Variants in NDUFAF5 observed in about 807,000 individuals in gnomAD.
NDUFAF5 encodes the protein NADH:ubiquinone oxidoreductase complex assembly factor 5.
In NDUFAF5, 34 loss-of-function variants were observed where a neutral mutation model predicts 48.9. That is an observed-to-expected ratio of 0.70 (90% CI 0.53 to 0.93). The LOEUF (loss-of-function observed/expected upper bound fraction) is 0.93, where lower values mean the gene tolerates loss of function less well. NDUFAF5 is among the 40% of genes least tolerant of loss of function. The probability of loss-of-function intolerance (pLI) is 0.00; values close to 1 mark genes in which losing one functional copy is unlikely to be tolerated. For missense variants in NDUFAF5, 428 were observed against 427.5 expected (o/e 1.00, Z -0.01); for synonymous variants, 153 against 150.6 (o/e 1.02, Z -0.12).
intron 7 of NDUFAF5, among the ~76,000 whole-genome samples, chr20:13,805,485 ATAC>A (rs1984864141): frequency 6.6e-6 from 1 of 152,224 alleles, no homozygotes; most frequent in Non-Finnish European, 1.5e-5. Context: ...CTAATGACTC[ATAC>A]TTTAATATAA....
chr20:13,785,568 GAGA>G (rs1980909405), intron 1 of NDUFAF5, among the ~76,000 whole-genome samples: 2 of 152,336 alleles, frequency 1.3e-5, no homozygotes, highest in South Asian at 2.1e-4. Context: ...GAGAGTGGGA[GAGA>G]AGGTTAGGAG....
intron 5 of NDUFAF5, among the ~76,000 whole-genome samples, chr20:13,795,820 AAAT>A (rs974868359): frequency 2.0e-4 from 30 of 152,280 alleles, no homozygotes; most frequent in African/African-American, 6.7e-4. Context: ...CCCTGTCTCA[AAAT>A]AATAATAATT....
chr20:13,803,808 G>T (rs76757972), intron 7 of NDUFAF5, among the ~76,000 whole-genome samples: 57 of 151,564 alleles, frequency 3.8e-4, no homozygotes, highest in African/African-American at 1.2e-3. Context: ...TTGGGGGGGG[G>T]ACAGTTTCAC....
intron 5 of NDUFAF5, among the ~76,000 whole-genome samples, chr20:13,796,012 TAACTC>T (rs964359326): frequency 6.6e-6 from 1 of 152,198 alleles, no homozygotes; most frequent in Non-Finnish European, 1.5e-5. Flanking sequence ...TGTCCTCAAA[TAACTC>T]AGTCTAACAG....
intron 7 of NDUFAF5, among the ~76,000 whole-genome samples, chr20:13,806,461 A>G (rs938895263): frequency 4.6e-5 from 7 of 152,240 alleles, no homozygotes; most frequent in Non-Finnish European, 7.3e-5. Flanking sequence ...GTGAGCCGAG[A>G]TCGCACCACT....
At chr20:13,788,794 G>T (rs1464775285) in intron 3 of NDUFAF5, 142 bp downstream of exon 3, 3 of 600,458 alleles carry the variant, frequency 5.0e-6, no homozygotes, top group African/African-American at 3.8e-5. Context: ...TTTTTAAGTG[G>T]TAGAATCAAT....
chr20:13,810,784 G>C (rs1181016175), intron 8 of NDUFAF5, among the ~76,000 whole-genome samples: 1 of 152,142 alleles, frequency 6.6e-6, no homozygotes, highest in Non-Finnish European at 1.5e-5. Context: ...ACCTTGGTAA[G>C]GGGAGAGGCA....
intron 1 of NDUFAF5, among the ~76,000 whole-genome samples, chr20:13,786,808 T>C (rs1981235754): frequency 6.6e-6 from 1 of 152,196 alleles, no homozygotes; most frequent in Non-Finnish European, 1.5e-5. Flanking sequence ...TCCTCAGATT[T>C]GGCTTTTTCT....
chr20:13,793,523 C>T (rs1314179272), intron 4 of NDUFAF5, among the ~76,000 whole-genome samples: 2 of 152,050 alleles, frequency 1.3e-5, no homozygotes, highest in Non-Finnish European at 2.9e-5. Context: ...TTATTTACGG[C>T]ACATCATTTT....
chr20:13,804,320 C>A (rs1293282514), intron 7 of NDUFAF5, among the ~76,000 whole-genome samples: 1 of 151,852 alleles, frequency 6.6e-6, no homozygotes, highest in Non-Finnish European at 1.5e-5. Context: ...ACTTTGTGGA[C>A]CCCCAAAAAA....
Position 13,817,448 on chromosome 20 carries a change from A to C in NDUFAF5, c.*238A>C, listed in dbSNP as rs1217289536. ...GATTCAGCCTAAAAGCAAAGAAAAT[A>C]TTTCCCTAAAATATTTGCAAATAAT... On this transcript the variant is annotated 3_prime_UTR_variant, in exon 11 of 11. Transcript: ENST00000378106. The C allele has an allele frequency of 1.6e-6, 1 of 627,658 alleles. No individual in the cohort carries two copies. The highest frequency in any genetic ancestry group is 2.1e-5 in the Admixed American group (1 of 47,882). The allele number at this position is 627,658 out of a possible 1,614,324, so 38.9% of individuals were successfully genotyped here.
At chr20:13,800,901 C>G (rs1021552333) in intron 6 of NDUFAF5, among the ~76,000 whole-genome samples, 9 of 152,306 alleles carry the variant, frequency 5.9e-5, no homozygotes, top group African/African-American at 1.9e-4. Flanking sequence ...CTCTCCTCCT[C>G]CTCTAGGCTA....
At position 13,819,832 on chromosome 20, in the gene NDUFAF5, CT is replaced by C. The variant is rs1191665656; in HGVS notation, c.*2625del. ...ATCTCAACACCTTGACCAAAATGAA[CT>C]TTCTTGAGTCATTTCTTCTCTGTTT... On this transcript the variant is annotated 3_prime_UTR_variant, in exon 11 of 11. Coordinates refer to ENST00000378106, the MANE Select transcript of NDUFAF5 (RefSeq NM_024120.5). 2.0e-5 allele frequency: 3 copies of C among 152,184 alleles called. No homozygotes were observed. Among genetic ancestry groups the C allele is most frequent in the Non-Finnish European group, 4.4e-5 (3 of 68,032 alleles). The allele number at this position is 152,184 out of a possible 1,614,324, so 9.4% of individuals were successfully genotyped here.
intron 7 of NDUFAF5, among the ~76,000 whole-genome samples, chr20:13,803,856 G>A (rs530852488): frequency 6.6e-6 from 1 of 152,114 alleles, no homozygotes; most frequent in Admixed American, 6.6e-5. Context: ...CACGGTCTTG[G>A]CCCACCACAA....
At chr20:13,785,376 C>G in intron 1 of NDUFAF5, 86 bp downstream of exon 1, 1 of 1,200,072 alleles carries the variant, frequency 8.3e-7, no homozygotes, top group Non-Finnish European at 1.2e-6. Flanking sequence ...GCCCCGAGCT[C>G]ACCCCACCTA....
At chr20:13,792,595 G>C (rs1401190890) in intron 3 of NDUFAF5, among the ~76,000 whole-genome samples, 1 of 152,204 alleles carries the variant, frequency 6.6e-6, no homozygotes, top group Non-Finnish European at 1.5e-5. Flanking sequence ...GCTTGTGCCT[G>C]TTGTAAGGTG....
chr20:13,786,958 G>A (rs1379003006), intron 1 of NDUFAF5, among the ~76,000 whole-genome samples: 3 of 152,068 alleles, frequency 2.0e-5, no homozygotes, highest in Non-Finnish European at 4.4e-5. Context: ...TTTTCACTTT[G>A]TGTACCTCAT....
In NDUFAF5 at chr20:13,817,650, C is replaced by G. The variant is rs1410161251; in HGVS notation, c.*440C>G. ...ATCTTTATTAAATCCCTCCTCAACT[C>G]TTTTTTTTTAAAGCATCTGAATTTA... On this transcript the variant is annotated 3_prime_UTR_variant, in exon 11 of 11. Transcript: ENST00000378106. 8.8e-6 allele frequency: 4 copies of G among 453,572 alleles called. No individual in the cohort carries two copies. The highest frequency in any genetic ancestry group is 2.0e-5 in the African/African-American group (1 of 49,840). The allele number at this position is 453,572 out of a possible 1,614,324, so 28.1% of individuals were successfully genotyped here.
intron 1 of NDUFAF5, 58 bp from the exon 2 acceptor site, chr20:13,787,254 G>T: frequency 6.4e-7 from 1 of 1,557,520 alleles, no homozygotes; most frequent in South Asian, 1.1e-5. Flanking sequence ...GTGGATTGTT[G>T]AATACTGGAA....
Sources: allele counts gnomAD v4.1 joint callset (sites outside exome capture counted in the v4.1 genomes callset), GRCh38; gene constraint gnomAD v4.1.1; transcripts MANE v1.5; gene names NCBI Gene and HGNC (gene_info 2026-07-23, HGNC 2026-07-21).